ANKS1B: variants seen among roughly 807,000 people sequenced by gnomAD.
ANKS1B encodes ankyrin repeat and sterile alpha motif domain containing 1B.
ANKS1B carries 36 observed loss-of-function variants against 148.3 expected under a neutral mutation model. The ratio of observed to expected loss-of-function variants is 0.24; its 90% CI spans 0.19 to 0.32. ANKS1B has a LOEUF of 0.32. ANKS1B is among the 10% of genes least tolerant of loss of function. The pLI is 1.00. For missense variants in ANKS1B, 1,157 were observed against 1,542.6 expected (o/e 0.75, Z 4.19); for synonymous variants, 542 against 560.8 (o/e 0.97, Z 0.47).
At position 99,493,382 on chromosome 12, in the gene ANKS1B, C is replaced by G. The variant is rs558573275; in HGVS notation, c.1438+11094G>C. On this transcript the variant is annotated intron_variant, in intron 10 of 26. Transcript: ENST00000683438. ...CAATCTACAGAATCTCTGGGACACA[C>G]CTAGGGAAGTGTTACAAGGGAAACA... is the stretch of plus-strand genomic sequence containing the variant. Among the ~76,000 whole-genome samples the G allele has an allele frequency of 3.4e-5, 5 of 148,706 alleles. No homozygotes were observed. In the South Asian group the frequency reaches 1.0e-3, roughly 31 times the overall value.
At chr12:99,105,577 G>A (rs1490448592) in intron 15 of ANKS1B, among the ~76,000 whole-genome samples, 5 of 151,524 alleles carry the variant, frequency 3.3e-5, no homozygotes, top group Non-Finnish European at 4.4e-5. Context: ...GACCATCCTG[G>A]CTAATATGGT....
At chr12:99,371,400 G>A (rs1200409526) in intron 12 of ANKS1B, among the ~76,000 whole-genome samples, 1 of 152,090 alleles carries the variant, frequency 6.6e-6, no homozygotes, top group South Asian at 2.1e-4. Context: ...CTGAGCTTTA[G>A]TGATCTCTGT....
In ANKS1B at chr12:99,177,369, T is replaced by C. The variant is rs145818570; in HGVS notation, c.2420-22974A>G. Among the ~76,000 whole-genome samples, 1,042 of 152,314 alleles carry C rather than the reference T, an allele frequency of 6.8e-3. 19 individuals are homozygous for C. Among genetic ancestry groups the C allele is most frequent in the African/African-American group, 0.023 (977 of 41,576 alleles). ...AACTTTTTTTTATGAGAATTTCACC[T>C]GGAGGATGAGCAGAACAGTTGTTAA... is the stretch of plus-strand genomic sequence containing the variant. On this transcript the variant is annotated intron_variant, in intron 14 of 26. Coordinates refer to ENST00000683438, the MANE Select transcript of ANKS1B (RefSeq NM_001352186.2).
chr12:99,050,047 A>G (rs533394096), intron 17 of ANKS1B, among the ~76,000 whole-genome samples: 3 of 152,234 alleles, frequency 2.0e-5, no homozygotes, highest in South Asian at 2.1e-4. Flanking sequence ...ACTTCCCTAA[A>G]AGGCTTTGCT....
At chr12:99,669,885 T>C (rs2098528356) in intron 8 of ANKS1B, among the ~76,000 whole-genome samples, 2 of 152,134 alleles carry the variant, frequency 1.3e-5, no homozygotes, top group Admixed American at 1.3e-4. Context: ...TGGCACCATA[T>C]TTAGGAATTG....
chr12:99,888,662 C>T (rs534749093), intron 1 of ANKS1B, among the ~76,000 whole-genome samples: 1 of 152,276 alleles, frequency 6.6e-6, no homozygotes, highest in South Asian at 2.1e-4. Context: ...ACTACTTTCA[C>T]TAACATAAAT....
chr12:99,961,631 A>T (rs904704242), intron 1 of ANKS1B, among the ~76,000 whole-genome samples: 46 of 152,140 alleles, frequency 3.0e-4, no homozygotes, highest in African/African-American at 1.1e-3. Flanking sequence ...AGCAAGCAAG[A>T]CCTCCAAGGA....
intron 13 of ANKS1B, among the ~76,000 whole-genome samples, chr12:99,245,622 C>G (rs978147849): frequency 6.6e-6 from 1 of 152,164 alleles, no homozygotes. Context: ...GCTTCTAAAC[C>G]TAATCCAACT....
chr12:98,845,506 T>C (rs2099451067), intron 17 of ANKS1B, among the ~76,000 whole-genome samples: 1 of 152,210 alleles, frequency 6.6e-6, no homozygotes, highest in Non-Finnish European at 1.5e-5. Context: ...ACTTTATTAT[T>C]ATAATATGAA....
chr12:99,184,235 C>CA (rs1419777467), intron 14 of ANKS1B, among the ~76,000 whole-genome samples: 1 of 152,044 alleles, frequency 6.6e-6, no homozygotes, highest in Non-Finnish European at 1.5e-5. Context: ...CTTTCTTTGG[C>CA]AAAATAGTTC....
intron 16 of ANKS1B, among the ~76,000 whole-genome samples, chr12:99,061,899 C>T (rs1320929153): frequency 1.3e-5 from 2 of 152,092 alleles, no homozygotes; most frequent in Non-Finnish European, 2.9e-5. Context: ...CAGCATCATC[C>T]CTTTGTAACA....
At chr12:99,254,564 A>G (rs1015388871) in intron 12 of ANKS1B, among the ~76,000 whole-genome samples, 19 of 152,188 alleles carry the variant, frequency 1.2e-4, no homozygotes, top group Admixed American at 6.5e-4. Flanking sequence ...ATGGCCACCT[A>G]TGCTACTGCA....
At chr12:98,993,856 A>T (rs951551470) in intron 17 of ANKS1B, among the ~76,000 whole-genome samples, 2 of 152,212 alleles carry the variant, frequency 1.3e-5, no homozygotes, top group Admixed American at 1.3e-4. Context: ...AAATTTACTA[A>T]CTGTATACAA....
intron 3 of ANKS1B, among the ~76,000 whole-genome samples, chr12:99,810,290 G>T (rs1475321255): frequency 6.6e-6 from 1 of 151,854 alleles, no homozygotes; most frequent in Admixed American, 6.6e-5. Context: ...TTAGAACAGT[G>T]CCCGCTTTAC....
intron 14 of ANKS1B, among the ~76,000 whole-genome samples, chr12:99,191,961 A>T (rs1428718800): frequency 1.3e-5 from 2 of 151,844 alleles, no homozygotes; most frequent in Non-Finnish European, 2.9e-5. Flanking sequence ...GTGAAACCCC[A>T]TCTCTACTAA....
At chr12:99,021,827 A>G (rs1280053635) in intron 17 of ANKS1B, among the ~76,000 whole-genome samples, 1 of 152,212 alleles carries the variant, frequency 6.6e-6, no homozygotes, top group African/African-American at 2.4e-5. Flanking sequence ...GGTGTTATCA[A>G]CCATTTACAT....
chr12:99,794,623 G>C lies in ANKS1B; in HGVS notation c.669+11781C>G, dbSNP rs557454973. Among the ~76,000 whole-genome samples the C allele has an allele frequency of 2.6e-5, 4 of 151,988 alleles. No individual in the cohort carries two copies. The South Asian group carries it at 8.3e-4, about 32-fold the overall frequency. ...GAAAGACAGACATCACATGTTCTCA[G>C]TTATTTGTGAGATCTAAAAATCAAA... On this transcript the variant is annotated intron_variant, in intron 4 of 26. Coordinates refer to ENST00000683438, the MANE Select transcript of ANKS1B (RefSeq NM_001352186.2).
chr12:99,246,891 G>C (rs1424465295), intron 12 of ANKS1B, 27 bp from the exon 13 acceptor site: 1 of 1,518,016 alleles, frequency 6.6e-7, no homozygotes, highest in Non-Finnish European at 8.8e-7. Context: ...GGGATATCAG[G>C]GTTTATAAAG....
chr12:99,852,715 C>T (rs2088150278), intron 1 of ANKS1B, among the ~76,000 whole-genome samples: 1 of 152,220 alleles, frequency 6.6e-6, no homozygotes, highest in African/African-American at 2.4e-5. Flanking sequence ...AGAGAATGCA[C>T]AGACCCTTTG....
Sources: allele counts gnomAD v4.1 joint callset (sites outside exome capture counted in the v4.1 genomes callset), GRCh38; gene constraint gnomAD v4.1.1; transcripts MANE v1.5; gene names NCBI Gene and HGNC (gene_info 2026-07-23, HGNC 2026-07-21).